Variants in PDE7B observed in about 807,000 individuals in gnomAD.
The protein encoded by PDE7B is 3',5'-cyclic-AMP phosphodiesterase 7B.
In PDE7B, 29 loss-of-function variants were observed where a neutral mutation model predicts 56.2. The ratio of observed to expected loss-of-function variants is 0.52; its 90% CI spans 0.38 to 0.70. The LOEUF (loss-of-function observed/expected upper bound fraction) is 0.70. Among genes scored for constraint, PDE7B ranks in the 30% least tolerant of loss-of-function variants. PDE7B has a pLI of 0.00. For synonymous variants in PDE7B, 197 were observed against 196.9 expected (o/e 1.00, Z 0.00); for missense variants, 490 against 565.0 (o/e 0.87, Z 1.35).
chr6:136,034,230 T>C (rs754445809), intron 2 of PDE7B: 1 of 152,226 alleles, frequency 6.6e-6, no homozygotes, highest in African/African-American at 2.4e-5. Flanking sequence ...AATAAATGCT[T>C]ATCTGCCTAG....
intron 1 of PDE7B, among the ~76,000 whole-genome samples, chr6:135,906,400 C>T (rs776607451): frequency 2.4e-4 from 36 of 152,160 alleles, no homozygotes; most frequent in Non-Finnish European, 3.8e-4. Context: ...CAAGCTCTCC[C>T]TTTGTCCTAC....
chr6:135,857,158 G>A (rs1775050988), intron 1 of PDE7B, among the ~76,000 whole-genome samples: 1 of 151,542 alleles, frequency 6.6e-6, no homozygotes, highest in Non-Finnish European at 1.5e-5. Context: ...AAATAGATTG[G>A]TAATGAGGTT....
intron 2 of PDE7B, among the ~76,000 whole-genome samples, chr6:136,019,609 G>T (rs1776036122): frequency 6.6e-6 from 1 of 152,190 alleles, no homozygotes; most frequent in Non-Finnish European, 1.5e-5. Flanking sequence ...GGGGTTAGGA[G>T]AACCAGCCTC....
chr6:136,055,350 A>G (rs1016371048), intron 2 of PDE7B, among the ~76,000 whole-genome samples: 15 of 152,330 alleles, frequency 9.8e-5, no homozygotes, highest in Non-Finnish European at 1.9e-4. Context: ...CCTTGAAAGT[A>G]TTCTTTACTT....
At chr6:136,002,182 A>C (rs1036334635) in intron 2 of PDE7B, among the ~76,000 whole-genome samples, 3 of 152,184 alleles carry the variant, frequency 2.0e-5, no homozygotes, top group African/African-American at 4.8e-5. Flanking sequence ...GCCTGGCCTA[A>C]AAGAGCTCCT....
At chr6:136,174,986 G>A (rs1778953016) in intron 9 of PDE7B, among the ~76,000 whole-genome samples, 1 of 152,156 alleles carries the variant, frequency 6.6e-6, no homozygotes, top group African/African-American at 2.4e-5. Context: ...GAGAGACAAG[G>A]AAGAAAGAAG....
intron 1 of PDE7B, among the ~76,000 whole-genome samples, chr6:135,915,540 A>G (rs1773895478): frequency 6.6e-6 from 1 of 152,160 alleles, no homozygotes; most frequent in Admixed American, 6.5e-5. Context: ...TCTTGCAAAT[A>G]CCTTTAATAG....
At chr6:135,971,355 GA>G (rs1194569245) in intron 2 of PDE7B, among the ~76,000 whole-genome samples, 1 of 152,144 alleles carries the variant, frequency 6.6e-6, no homozygotes. Flanking sequence ...CGAACTGTGA[GA>G]AAATAAATGT....
chr6:136,113,014 TC>T lies in PDE7B; in HGVS notation c.166+4203del, dbSNP rs534383943. Among the ~76,000 whole-genome samples, 125 of 152,194 alleles carry T rather than the reference TC, an allele frequency of 8.2e-4. 1 individual carries two copies. The highest frequency in any genetic ancestry group is 2.8e-3 in the African/African-American group (117 of 41,546). On this transcript the variant is annotated intron_variant, in intron 3 of 12. Coordinates refer to ENST00000308191, the MANE Select transcript of PDE7B (RefSeq NM_018945.4). ...CAAGGCCAACTGCTTATATAGGTTT[TC>T]CCAAAAAAGAGTATTTAAATTTAAT...
intron 2 of PDE7B, among the ~76,000 whole-genome samples, chr6:136,100,234 T>C (rs1777538898): frequency 6.6e-6 from 1 of 152,252 alleles, no homozygotes; most frequent in South Asian, 2.1e-4. Context: ...TTCTCTTTGC[T>C]TAGGATTGTC....
At chr6:135,870,256 G>A (rs1398691156) in intron 1 of PDE7B, among the ~76,000 whole-genome samples, 1 of 152,154 alleles carries the variant, frequency 6.6e-6, no homozygotes, top group Non-Finnish European at 1.5e-5. Flanking sequence ...AGAAGAGGCA[G>A]CAATACACAA....
chr6:135,903,410 A>AT (rs1776040753), intron 1 of PDE7B, among the ~76,000 whole-genome samples: 2 of 152,190 alleles, frequency 1.3e-5, no homozygotes, highest in South Asian at 4.1e-4. Context: ...GTACTCCAAT[A>AT]TGCTGCTTCC....
chr6:135,934,492 C>G (rs918568044), intron 1 of PDE7B, among the ~76,000 whole-genome samples: 24 of 151,308 alleles, frequency 1.6e-4, no homozygotes, highest in African/African-American at 5.4e-4. Context: ...TTTGGGAGGC[C>G]AAGGCAGGCG....
intron 4 of PDE7B, 105 bp from the exon 5 acceptor site, chr6:136,148,982 C>A: frequency 1.3e-6 from 1 of 782,330 alleles, no homozygotes; most frequent in South Asian, 1.6e-5. Context: ...TGGTAGTATG[C>A]TAGGATTTTC....
At chr6:136,042,987 G>A (rs1350193370) in intron 2 of PDE7B, among the ~76,000 whole-genome samples, 1 of 152,110 alleles carries the variant, frequency 6.6e-6, no homozygotes, top group African/African-American at 2.4e-5. Flanking sequence ...TCAAACTACT[G>A]GCTGTAAAAC....
rs532530642 is a variant in PDE7B, at chr6:136,191,855, T to C, written c.*15T>C. 1 of 1,538,046 alleles carries C rather than the reference T, an allele frequency of 6.5e-7. No homozygotes were observed. Among genetic ancestry groups the C allele is most frequent in the South Asian group, 1.2e-5 (1 of 83,746 alleles). On this transcript the variant is annotated 3_prime_UTR_variant, in exon 13 of 13. Coordinates refer to ENST00000308191, the MANE Select transcript of PDE7B (RefSeq NM_018945.4). ...ACAGCCCCTAGGGGCCGGCCCAACT[T>C]AGACGCGGCTCTCCTCCGGCAGGGC...
intron 1 of PDE7B, among the ~76,000 whole-genome samples, chr6:135,889,803 G>A (rs555961241): frequency 1.6e-5 from 2 of 124,928 alleles, no homozygotes; most frequent in African/African-American, 6.3e-5. Flanking sequence ...TCACCCGGGA[G>A]TGCAAATGAC....
chr6:136,153,393 G>GA (rs1338616586), intron 6 of PDE7B, among the ~76,000 whole-genome samples: 1 of 152,178 alleles, frequency 6.6e-6, no homozygotes, highest in Non-Finnish European at 1.5e-5. Flanking sequence ...GTTATGAGCT[G>GA]AAGCAGGTTA....
intron 2 of PDE7B, among the ~76,000 whole-genome samples, chr6:136,104,657 C>T (rs758095923): frequency 2.0e-5 from 3 of 152,266 alleles, no homozygotes; most frequent in Non-Finnish European, 4.4e-5. Context: ...TGAGCGCTTC[C>T]ATTAAATAGA....
Sources: gnomAD v4.1 joint callset for allele counts (sites outside exome capture counted in the v4.1 genomes callset) on GRCh38, gnomAD v4.1.1 for gene constraint, MANE v1.5 for transcripts, NCBI Gene and HGNC (gene_info 2026-07-23, HGNC 2026-07-21) for gene names.